The following LYRM4 variants were observed in gnomAD, a reference collection of about 807,000 sequenced individuals.
LYRM4 encodes LYR motif-containing protein 4.
In LYRM4, 9 loss-of-function variants were observed where a neutral mutation model predicts 11.7. The observed-to-expected ratio is 0.77, with a 90% confidence interval of 0.46 to 1.34. The LOEUF (loss-of-function observed/expected upper bound fraction) is 1.34, where lower values mean the gene tolerates loss of function less well. LYRM4 is among the 40% of genes most tolerant of loss of function. LYRM4 has a pLI of 0.00. For missense variants in LYRM4, 133 were observed against 112.5 expected (o/e 1.18, Z -0.82); for synonymous variants, 42 against 40.4 (o/e 1.04, Z -0.15).
intron 2 of LYRM4, among the ~76,000 whole-genome samples, chr6:5,163,208 C>A (rs969845868): frequency 1.3e-5 from 2 of 152,178 alleles, no homozygotes; most frequent in Non-Finnish European, 2.9e-5. Context: ...TTTCACCATT[C>A]CCATTTAAAT....
At chr6:5,148,663 CT>C (rs1757916749) in intron 2 of LYRM4, among the ~76,000 whole-genome samples, 1 of 6,290 alleles carries the variant, frequency 1.6e-4, no homozygotes, top group East Asian at 7.9e-3. Context: ...ACACACACAC[CT>C]CTCTCTCTCT....
chr6:5,092,189 G>A, the LYRM4 span, among the ~76,000 whole-genome samples: 3 of 152,168 alleles, frequency 2.0e-5, no homozygotes, highest in Non-Finnish European at 4.4e-5. Context: ...CGTCCACTCT[G>A]GCAGATGAGA....
intron 1 of LYRM4, among the ~76,000 whole-genome samples, chr6:5,217,039 G>A (rs181699222): frequency 1.1e-4 from 17 of 152,298 alleles, no homozygotes; most frequent in Non-Finnish European, 2.2e-4. Context: ...CCATTTACAT[G>A]GATAATTGAA....
At chr6:5,228,733 G>T (rs1218608892) in intron 1 of LYRM4, among the ~76,000 whole-genome samples, 1 of 151,980 alleles carries the variant, frequency 6.6e-6, no homozygotes, top group Non-Finnish European at 1.5e-5. Context: ...GGGCGCAGTG[G>T]CTCATGCCTG....
In LYRM4 at chr6:5,218,351, T is replaced by C. The variant is rs1361642391; in HGVS notation, c.87-1613A>G. 10 of 985,130 alleles carry C rather than the reference T, an allele frequency of 1.0e-5. No individual in the cohort carries two copies. In the African/African-American group the frequency reaches 1.6e-4, roughly 15 times the overall value. The allele number at this position is 985,130 out of a possible 1,614,324, so 61.0% of individuals were successfully genotyped here. On this transcript the variant is annotated intron_variant, in intron 1 of 2. Coordinates refer to ENST00000330636, the MANE Select transcript of LYRM4 (RefSeq NM_020408.6). ...ATGAGAGGAGGGGATATAAATTTCC[T>C]TGGGAGCAGCGCGGAGGGGGTGTTG...
chr6:5,037,150 C>T, the LYRM4 span, among the ~76,000 whole-genome samples: 1 of 24,316 alleles, frequency 4.1e-5, no homozygotes, highest in African/African-American at 1.1e-4. Context: ...GGCAGAGGAC[C>T]CTGCGGCCTT....
intron 2 of LYRM4, among the ~76,000 whole-genome samples, chr6:5,191,046 C>T (rs925236703): frequency 9.2e-5 from 14 of 151,734 alleles, no homozygotes; most frequent in African/African-American, 3.1e-4. Context: ...AGAATTTTTC[C>T]TAAGAGAAAA....
intron 2 of LYRM4, among the ~76,000 whole-genome samples, chr6:5,130,259 T>C (rs760911822): frequency 1.3e-5 from 2 of 152,172 alleles, no homozygotes; most frequent in Non-Finnish European, 2.9e-5. Context: ...AGGCCAACGC[T>C]GGGATTCTGG....
rs911120087 is a variant in LYRM4 at position 5,216,733 on chromosome 6, T to C, written c.92A>G (p.Tyr31Cys). Residue 31 changes from tyrosine to cysteine, a missense_variant, in exon 2 of 3, where the codon TAT becomes TGT. Tyr to Cys is a radical substitution (Grantham distance 194). Coordinates refer to ENST00000330636, the MANE Select transcript of LYRM4 (RefSeq NM_020408.6). Reference protein sequence around the residue: ...KRFSAYNYRTYAVRRIRDAFR... With the variant: ...KRFSAYNYRTCAVRRIRDAFR... ...GGCATCTCTTATCCTCCTGACAGCA[T>C]ATGTTCTAAATGAATTCAGAGGAAA... is the stretch of plus-strand genomic sequence containing the variant. 9 of 1,612,592 alleles carry C rather than the reference T, an allele frequency of 5.6e-6. No homozygotes were observed. The highest frequency in any genetic ancestry group is 1.7e-5 in the Admixed American group (1 of 59,948).
intron 1 of LYRM4, among the ~76,000 whole-genome samples, chr6:5,259,497 G>GTATA (rs1487656597): frequency 2.0e-5 from 3 of 152,238 alleles, no homozygotes; most frequent in Admixed American, 2.0e-4. Flanking sequence ...TGCAGCATGA[G>GTATA]TATATTTTCC....
intron 2 of LYRM4, among the ~76,000 whole-genome samples, chr6:5,170,094 T>C (rs1168401067): frequency 1.3e-5 from 2 of 152,148 alleles, no homozygotes; most frequent in African/African-American, 4.8e-5. Context: ...CAGTGTACAG[T>C]GTTGGTTGAA....
At chr6:5,150,128 G>A (rs1758006283) in intron 2 of LYRM4, among the ~76,000 whole-genome samples, 1 of 152,196 alleles carries the variant, frequency 6.6e-6, no homozygotes, top group African/African-American at 2.4e-5. Flanking sequence ...ATGCACCGCA[G>A]CCCATCTGTC....
chr6:5,221,240 C>T (rs1762561393), intron 1 of LYRM4, among the ~76,000 whole-genome samples: 1 of 152,216 alleles, frequency 6.6e-6, no homozygotes, highest in Non-Finnish European at 1.5e-5. Flanking sequence ...AGATCTCTGC[C>T]AGTAATTGCA....
the LYRM4 span, among the ~76,000 whole-genome samples, chr6:5,070,008 A>G: frequency 6.6e-6 from 1 of 152,258 alleles, no homozygotes; most frequent in Admixed American, 6.5e-5. Flanking sequence ...GCACCAGCAC[A>G]TGCTAGGCTT....
At chr6:5,098,363 T>C in the LYRM4 span, among the ~76,000 whole-genome samples, 2 of 152,234 alleles carry the variant, frequency 1.3e-5, no homozygotes, top group Admixed American at 1.3e-4. Flanking sequence ...TGCCTTTGGC[T>C]GCAGGCTGCC....
At chr6:5,060,818 G>T in the LYRM4 span, among the ~76,000 whole-genome samples, 1 of 152,142 alleles carries the variant, frequency 6.6e-6, no homozygotes, top group Non-Finnish European at 1.5e-5. Flanking sequence ...GTGAGCCACC[G>T]TGCCCAGCTA....
chr6:5,157,787 T>G (rs1758502004), intron 2 of LYRM4, among the ~76,000 whole-genome samples: 1 of 152,264 alleles, frequency 6.6e-6, no homozygotes, highest in South Asian at 2.1e-4. Flanking sequence ...TTGTTCTTGC[T>G]TAAAATTGAA....
intron 2 of LYRM4, among the ~76,000 whole-genome samples, chr6:5,184,262 G>A (rs1395718444): frequency 6.6e-6 from 1 of 152,062 alleles, no homozygotes; most frequent in Non-Finnish European, 1.5e-5. Context: ...ATCTAAAGCA[G>A]GATATAAATG....
At chr6:5,242,766 CTTT>C (rs59883253) in intron 1 of LYRM4, among the ~76,000 whole-genome samples, 14 of 128,082 alleles carry the variant, frequency 1.1e-4, no homozygotes, top group African/African-American at 1.6e-4. Context: ...GATTTCTGCT[CTTT>C]TTTTTTTTTT....
Sources: gnomAD v4.1 joint callset for allele counts (sites outside exome capture counted in the v4.1 genomes callset) on GRCh38, gnomAD v4.1.1 for gene constraint, MANE v1.5 for transcripts, NCBI Gene and HGNC (gene_info 2026-07-23, HGNC 2026-07-21) for gene names.